FSHR: variants seen among roughly 807,000 people sequenced by gnomAD.
FSHR encodes the protein follicle stimulating hormone receptor, also known as follicle-stimulating hormone receptor.
A neutral mutation model predicts 52.1 loss-of-function variants in FSHR; 46 were observed. The observed-to-expected ratio is 0.88, with a 90% confidence interval of 0.70 to 1.13. The LOEUF (loss-of-function observed/expected upper bound fraction) is 1.13, where lower values mean the gene tolerates loss of function less well. Among genes scored for constraint, FSHR ranks in the 50% most tolerant of loss-of-function variants. The pLI, the probability that FSHR is intolerant of heterozygous loss-of-function variation, is 0.00. For synonymous variants in FSHR, 399 were observed against 309.6 expected (o/e 1.29, Z -3.03); for missense variants, 964 against 834.6 (o/e 1.16, Z -1.91).
At chr2:48,966,027 C>T (rs1448194663) in intron 9 of FSHR, among the ~76,000 whole-genome samples, 1 of 152,128 alleles carries the variant, frequency 6.6e-6, no homozygotes, top group East Asian at 1.9e-4. Flanking sequence ...GCTTTGGAGG[C>T]AGGCAGACCA....
In FSHR at chr2:49,052,205, C is replaced by T. The variant is rs568753370; in HGVS notation, c.224+16014G>A. Among the ~76,000 whole-genome samples, 4 of 152,236 alleles carry T rather than the reference C, an allele frequency of 2.6e-5. No homozygotes were observed. The South Asian group carries it at 6.2e-4, about 24-fold the overall frequency. ...ATGTCACTTTGTTGCTCAAAACACC[C>T]CATTTAATCCCAATCACACTAAATA... On this transcript the variant is annotated intron_variant, in intron 2 of 9. Transcript: ENST00000406846.
intron 4 of FSHR, among the ~76,000 whole-genome samples, chr2:48,995,769 C>T (rs1205800852): frequency 6.6e-6 from 1 of 152,108 alleles, no homozygotes; most frequent in Non-Finnish European, 1.5e-5. Flanking sequence ...GAGGTGAATA[C>T]TTAACCTACT....
At chr2:49,150,339 G>T (rs1673016658) in intron 1 of FSHR, among the ~76,000 whole-genome samples, 1 of 152,030 alleles carries the variant, frequency 6.6e-6, no homozygotes, top group Non-Finnish European at 1.5e-5. Context: ...CTACCTCAGA[G>T]TTATAAAGAT....
chr2:48,978,347 G>A (rs1675085336), intron 8 of FSHR, among the ~76,000 whole-genome samples: 1 of 152,218 alleles, frequency 6.6e-6, no homozygotes, highest in South Asian at 2.1e-4. Flanking sequence ...CTGACAGATG[G>A]CTAGAAGACC....
At chr2:49,096,567 A>G (rs1188102988) in intron 1 of FSHR, among the ~76,000 whole-genome samples, 2 of 152,232 alleles carry the variant, frequency 1.3e-5, no homozygotes, top group East Asian at 3.8e-4. Context: ...TGCACTAAGA[A>G]TCACTTAATT....
chr2:49,153,567 G>A (rs1348222190), intron 1 of FSHR, among the ~76,000 whole-genome samples: 1 of 152,180 alleles, frequency 6.6e-6, no homozygotes, highest in African/African-American at 2.4e-5. Flanking sequence ...GCAAAAGAAA[G>A]AGAGAGTAGG....
At chr2:49,091,909 C>T (rs1292905941) in intron 1 of FSHR, among the ~76,000 whole-genome samples, 2 of 152,126 alleles carry the variant, frequency 1.3e-5, no homozygotes, top group African/African-American at 2.4e-5. Context: ...TCTGTATCTA[C>T]AAAAAATCCT....
chr2:49,046,486 A>G lies in FSHR; in HGVS notation c.224+21733T>C, dbSNP rs146230431. 1.4e-3 allele frequency among the ~76,000 whole-genome samples: 220 copies of G among 152,320 alleles called. 2 individuals carry two copies. The highest frequency in any genetic ancestry group is 5.0e-3 in the African/African-American group (208 of 41,572). ...ACTTTGGCTTCAACGTTCTCACTAT[A>G]AAATTAGAATGATAGTAAGATTCTT... On this transcript the variant is annotated intron_variant, in intron 2 of 9. Coordinates refer to ENST00000406846, the MANE Select transcript of FSHR (RefSeq NM_000145.4).
chr2:49,119,967 C>T (rs557418931), intron 1 of FSHR, among the ~76,000 whole-genome samples: 16 of 152,084 alleles, frequency 1.1e-4, no homozygotes, highest in Non-Finnish European at 1.6e-4. Context: ...GGCTCTATGA[C>T]GGCTCTTTAA....
At chr2:48,998,820 T>A (rs1573070852) in intron 4 of FSHR, among the ~76,000 whole-genome samples, 2 of 151,664 alleles carry the variant, frequency 1.3e-5, no homozygotes. Flanking sequence ...TGTTATTATA[T>A]TTAGTGAGAG....
chr2:49,068,326 T>G, intron 1 of FSHR, 36 bp from the exon 2 acceptor site: 1 of 1,537,554 alleles, frequency 6.5e-7, no homozygotes, highest in East Asian at 2.2e-5. Flanking sequence ...TCACAACCTA[T>G]CCATTAATAA....
Position 48,981,448 on chromosome 2 carries a change from AT to A in FSHR, c.668+1463del, listed in dbSNP as rs917775934. Among the ~76,000 whole-genome samples, 3 of 151,920 alleles carry A rather than the reference AT, an allele frequency of 2.0e-5. No individual in the cohort carries two copies. The South Asian group carries it at 6.2e-4, about 32-fold the overall frequency. ...TTAGGAAATAGGTATTGTTTTGGCC[AT>A]TTTTTTTAGGTGAGGAAACCAAGGC... is the stretch of plus-strand genomic sequence containing the variant. On this transcript the variant is annotated intron_variant, in intron 8 of 9. Coordinates refer to ENST00000406846, the MANE Select transcript of FSHR (RefSeq NM_000145.4).
intron 2 of FSHR, among the ~76,000 whole-genome samples, chr2:49,061,735 GC>G (rs1669307765): frequency 7.6e-6 from 1 of 131,302 alleles, no homozygotes. Flanking sequence ...AAAATATATA[GC>G]TATTTATATA....
At chr2:49,050,014 A>C (rs1316819678) in intron 2 of FSHR, among the ~76,000 whole-genome samples, 1 of 152,142 alleles carries the variant, frequency 6.6e-6, no homozygotes, top group Non-Finnish European at 1.5e-5. Context: ...TAATGGAAAC[A>C]CTAAAACCAC....
At chr2:49,020,729 G>A (rs755404816) in intron 2 of FSHR, among the ~76,000 whole-genome samples, 1 of 152,182 alleles carries the variant, frequency 6.6e-6, no homozygotes, top group African/African-American at 2.4e-5. Context: ...GTCCTAGATC[G>A]TGGAGTTGTT....
chr2:48,962,675 C>T lies in FSHR; in HGVS notation c.*58G>A, dbSNP rs1377413210. 77 of 1,533,402 alleles carry T rather than the reference C, an allele frequency of 5.0e-5. No homozygotes were observed. The Admixed American group carries it at 1.3e-3, about 25-fold the overall frequency. The allele number at this position is 1,533,402 out of a possible 1,614,324, so 95.0% of individuals were successfully genotyped here. ...GCACTGTCAGCTCTTTGTGACATAC[C>T]CTTCAAAGGCAAGACTGAATTATCA... On this transcript the variant is annotated 3_prime_UTR_variant, in exon 10 of 10. Transcript: ENST00000406846.
At chr2:49,085,196 C>A (rs1432184600) in intron 1 of FSHR, among the ~76,000 whole-genome samples, 1 of 152,132 alleles carries the variant, frequency 6.6e-6, no homozygotes, top group Non-Finnish European at 1.5e-5. Context: ...TCAATATATG[C>A]AAATCAATAA....
At chr2:49,018,532 A>C (rs1323214371) in intron 3 of FSHR, among the ~76,000 whole-genome samples, 1 of 152,160 alleles carries the variant, frequency 6.6e-6, no homozygotes, top group Non-Finnish European at 1.5e-5. Context: ...GACCCAAACC[A>C]CTACCTTCAC....
intron 2 of FSHR, among the ~76,000 whole-genome samples, chr2:49,060,848 A>C (rs2104324741): frequency 6.6e-6 from 1 of 152,148 alleles, no homozygotes. Flanking sequence ...GTGCTTTGCC[A>C]TTCTGGGATA....
Sources: allele counts gnomAD v4.1 joint callset (sites outside exome capture counted in the v4.1 genomes callset), GRCh38; gene constraint gnomAD v4.1.1; transcripts MANE v1.5; gene names NCBI Gene and HGNC (gene_info 2026-07-23, HGNC 2026-07-21).